Variants in HCN1 observed in about 807,000 individuals in gnomAD.
HCN1 encodes potassium/sodium hyperpolarization-activated cyclic nucleotide-gated channel 1.
In HCN1, 13 loss-of-function variants were observed where a neutral mutation model predicts 78.9. The observed-to-expected ratio is 0.16, with a 90% CI of 0.11 to 0.26. The LOEUF is 0.26. Ranked by LOEUF, HCN1 falls within the 10% of genes least tolerant of loss-of-function variation. HCN1 has a pLI of 1.00. For missense variants in HCN1, 810 were observed against 1,154.3 expected, an observed-to-expected ratio of 0.70 and a Z score of 4.32; for synonymous variants, 552 against 455.5, an observed-to-expected ratio of 1.21 and a Z score of -2.70.
intron 2 of HCN1, among the ~76,000 whole-genome samples, chr5:45,523,642 G>C (rs899384294): frequency 1.3e-5 from 2 of 151,978 alleles, no homozygotes; most frequent in African/African-American, 4.8e-5. Flanking sequence ...GTGTTTTTTG[G>C]CTGCATAAAT....
chr5:45,529,999 A>G (rs1482269724), intron 2 of HCN1, among the ~76,000 whole-genome samples: 1 of 152,084 alleles, frequency 6.6e-6, no homozygotes, highest in East Asian at 1.9e-4. Flanking sequence ...CCTGTTTTTC[A>G]CATATTTAAT....
intron 2 of HCN1, among the ~76,000 whole-genome samples, chr5:45,597,996 A>G (rs1327810804): frequency 1.3e-5 from 2 of 152,172 alleles, no homozygotes; most frequent in Non-Finnish European, 1.5e-5. Context: ...TGCCCAAGAT[A>G]ATTTCTAGAT....
intron 3 of HCN1, among the ~76,000 whole-genome samples, chr5:45,398,040 C>A (rs1378321060): frequency 6.6e-6 from 1 of 151,060 alleles, no homozygotes; most frequent in Non-Finnish European, 1.5e-5. Flanking sequence ...TGTTATTAAA[C>A]CTATTAGGAG....
intron 2 of HCN1, among the ~76,000 whole-genome samples, chr5:45,627,165 T>G (rs1167026240): frequency 3.3e-5 from 5 of 152,206 alleles, no homozygotes; most frequent in Non-Finnish European, 5.9e-5. Flanking sequence ...CTGGTAATTC[T>G]GATTCATCTT....
chr5:45,437,979 T>C (rs1484016292), intron 3 of HCN1, among the ~76,000 whole-genome samples: 2 of 152,078 alleles, frequency 1.3e-5, no homozygotes, highest in Non-Finnish European at 2.9e-5. Context: ...ATTGGGCAGC[T>C]CATACATAAC....
chr5:45,685,193 C>T (rs1210460837), intron 1 of HCN1, among the ~76,000 whole-genome samples: 2 of 152,138 alleles, frequency 1.3e-5, no homozygotes, highest in African/African-American at 4.8e-5. Context: ...GGTTATAACT[C>T]ATCTTATTTG....
intron 6 of HCN1, among the ~76,000 whole-genome samples, chr5:45,271,401 C>T: frequency 6.9e-6 from 1 of 145,292 alleles, no homozygotes; most frequent in Non-Finnish European, 1.5e-5. Context: ...CACACACACA[C>T]AGACACAGTT....
intron 3 of HCN1, among the ~76,000 whole-genome samples, chr5:45,422,346 A>G (rs1016814068): frequency 6.6e-6 from 1 of 152,140 alleles, no homozygotes; most frequent in African/African-American, 2.4e-5. Context: ...TAAATTTGTA[A>G]TATTTTTCTC....
intron 3 of HCN1, among the ~76,000 whole-genome samples, chr5:45,430,175 C>A (rs992577530): frequency 6.6e-6 from 1 of 152,066 alleles, no homozygotes; most frequent in Non-Finnish European, 1.5e-5. Context: ...TTAGGCAGAT[C>A]CTAATTACAG....
intron 2 of HCN1, among the ~76,000 whole-genome samples, chr5:45,624,162 C>T (rs1745120067): frequency 6.6e-6 from 1 of 152,122 alleles, no homozygotes; most frequent in Admixed American, 6.6e-5. Context: ...GCCATTGGAA[C>T]ATTTGAAACT....
chr5:45,589,419 G>C (rs2111940877), intron 2 of HCN1, among the ~76,000 whole-genome samples: 1 of 152,306 alleles, frequency 6.6e-6, no homozygotes, highest in South Asian at 2.1e-4. Context: ...GTATGAGATG[G>C]CTGAAGCCAT....
At chr5:45,528,910 G>A (rs1308427651) in intron 2 of HCN1, among the ~76,000 whole-genome samples, 2 of 151,976 alleles carry the variant, frequency 1.3e-5, no homozygotes, top group Non-Finnish European at 2.9e-5. Flanking sequence ...GTAAAGACAA[G>A]TAGAATTTAG....
At chr5:45,311,580 G>A (rs549072533) in intron 5 of HCN1, among the ~76,000 whole-genome samples, 6 of 152,300 alleles carry the variant, frequency 3.9e-5, no homozygotes, top group Admixed American at 2.0e-4. Flanking sequence ...GTTCTCTGGA[G>A]TGGACTTGTT....
At chr5:45,503,998 C>T (rs1742241955) in intron 2 of HCN1, among the ~76,000 whole-genome samples, 1 of 152,096 alleles carries the variant, frequency 6.6e-6, no homozygotes, top group Admixed American at 6.6e-5. Flanking sequence ...GTTGGTCAGA[C>T]TGGTCTTGAA....
chr5:45,670,187 A>G (rs774313461), intron 1 of HCN1, among the ~76,000 whole-genome samples: 2 of 151,704 alleles, frequency 1.3e-5, no homozygotes, highest in Non-Finnish European at 3.0e-5. Context: ...CAGACAGAAG[A>G]AAAAGAAGGA....
intron 2 of HCN1, among the ~76,000 whole-genome samples, chr5:45,602,173 C>G (rs1011310118): frequency 6.6e-6 from 1 of 152,078 alleles, no homozygotes; most frequent in African/African-American, 2.4e-5. Context: ...ATAACTTACC[C>G]AGTCTCAGGT....
intron 6 of HCN1, among the ~76,000 whole-genome samples, chr5:45,293,050 A>G (rs1745411551): frequency 6.6e-6 from 1 of 152,082 alleles, no homozygotes; most frequent in Non-Finnish European, 1.5e-5. Context: ...AAAGAGATGA[A>G]AACACATTTG....
chr5:45,613,536 C>T (rs1037712808), intron 2 of HCN1, among the ~76,000 whole-genome samples: 1 of 151,844 alleles, frequency 6.6e-6, no homozygotes, highest in East Asian at 1.9e-4. Context: ...CTAGTTCAAC[C>T]ATTGTGGAAG....
chr5:45,677,989 T>TAC (rs200866112), intron 1 of HCN1, among the ~76,000 whole-genome samples: 25,159 of 94,016 alleles, frequency 0.27, 2,113 homozygotes, highest in South Asian at 0.32. Context: ...CACACACACA[T>TAC]ACACACACAC....
Sources: gnomAD v4.1 joint callset for allele counts (sites outside exome capture counted in the v4.1 genomes callset) on GRCh38, gnomAD v4.1.1 for gene constraint, MANE v1.5 for transcripts, NCBI Gene and HGNC (gene_info 2026-07-23, HGNC 2026-07-21) for gene names.